The following PDZD4 variants were observed in gnomAD, a reference collection of about 807,000 sequenced individuals.
PDZD4 encodes PDZ domain-containing protein 4.
Under a neutral mutation model 38.5 loss-of-function variants are expected in PDZD4, and 9 were observed. The ratio of observed to expected loss-of-function variants is 0.23; its 90% confidence interval spans 0.14 to 0.41. The LOEUF (loss-of-function observed/expected upper bound fraction) is 0.41. Ranked by LOEUF, PDZD4 falls within the 10% of genes least tolerant of loss-of-function variation. PDZD4 has a pLI of 1.00. For missense variants in PDZD4, 612 were observed against 722.0 expected (o/e 0.85, Z 1.75); for synonymous variants, 349 against 315.7 (o/e 1.11, Z -1.12).
chrX:153,808,166 G>C (rs1293005546), intron 2 of PDZD4, 176 bp downstream of exon 2: 13 of 1,073,686 alleles, frequency 1.2e-5, no homozygotes, highest in Non-Finnish European at 1.6e-5. Context: ...CGGGGCGCCT[G>C]CTGGAGCCCG....
In PDZD4 at chrX:153,804,880, C is replaced by T. The variant is rs782042019; in HGVS notation, c.801G>A (p.Lys267=). The T allele has an allele frequency of 8.3e-7, 1 of 1,208,212 alleles. No homozygotes were observed. Among genetic ancestry groups the T allele is most frequent in the South Asian group, 1.8e-5 (1 of 56,737 alleles). Residue 267 remains lysine (K), a synonymous_variant, in exon 8 of 8, where the codon AAG becomes AAA. Transcript: ENST00000393758. ...PAQQPGNEEE[K]GAPDAGPGLS... ...GGCCTGGGCCGGCATCGGGAGCCCC[C>T]TTCTCCTCTTCGTTTCCGGGCTAGA...
At chrX:153,807,065 C>T (rs1298759963) in intron 3 of PDZD4, among the ~76,000 whole-genome samples, 1 of 112,645 alleles carries the variant, frequency 8.9e-6, no homozygotes, top group Admixed American at 9.3e-5. Context: ...AGGAAATGCA[C>T]GAGGCACACA....
intron 1 of PDZD4, among the ~76,000 whole-genome samples, chrX:153,824,689 T>C (rs2064462107): frequency 9.0e-6 from 1 of 111,655 alleles, no homozygotes; most frequent in South Asian, 3.7e-4. Context: ...TTGGCGATGG[T>C]CTCCCCCTTA....
intron 1 of PDZD4, among the ~76,000 whole-genome samples, chrX:153,818,082 C>T (rs2064380741): frequency 8.9e-6 from 1 of 111,758 alleles, no homozygotes; most frequent in Non-Finnish European, 1.9e-5. Context: ...CCTATCTCTA[C>T]GAAAAATACA....
chrX:153,805,571 C>T lies in PDZD4; in HGVS notation c.603G>A (p.Ala201=), dbSNP rs782203525. The T allele has an allele frequency of 1.2e-5, 15 of 1,210,180 alleles. No homozygotes were observed. Among genetic ancestry groups the T allele is most frequent in the Middle Eastern group, 2.3e-4 (1 of 4,354 alleles). The part of the protein sequence containing the change: ...NGVDVQNREE[A]VAILSQEENT... ...TCTCTTCCTGGCTCAGGATGGCCAC[C>T]GCCTCTTCCCGGTTCTGGACGTCTA... The change falls in exon 6 of 8, where the codon GCG becomes GCA. Residue 201 remains alanine (A), a synonymous_variant. Coordinates refer to ENST00000393758, the MANE Select transcript of PDZD4 (RefSeq NM_001303512.2).
At chrX:153,807,467 G>A (rs2064263609) in intron 2 of PDZD4, 98 bp from the exon 3 acceptor site, 1 of 872,782 alleles carries the variant, frequency 1.1e-6, no homozygotes, top group Admixed American at 2.9e-5. Flanking sequence ...TGGCACGGAG[G>A]CCTGCTCTGC....
chrX:153,812,505 G>A (rs1043646376), intron 1 of PDZD4, among the ~76,000 whole-genome samples: 2 of 110,971 alleles, frequency 1.8e-5, no homozygotes, highest in African/African-American at 6.6e-5. Context: ...GGGGATGGGC[G>A]TGGGCACAGC....
At chrX:153,829,998 C>G in intron 1 of PDZD4, 1 of 735,976 alleles carries the variant, frequency 1.4e-6, no homozygotes, top group South Asian at 4.6e-5. Context: ...GCCCGCCGCA[C>G]CGCGCCTCCC....
intron 1 of PDZD4, among the ~76,000 whole-genome samples, chrX:153,823,961 G>A (rs1344307126): frequency 8.9e-6 from 1 of 112,356 alleles, no homozygotes; most frequent in African/African-American, 3.2e-5. Context: ...CCCAGGATGC[G>A]TGCATGTGGC....
intron 1 of PDZD4, chrX:153,829,551 C>G (rs188583971): frequency 2.4e-3 from 491 of 202,009 alleles, no homozygotes; most frequent in Admixed American, 3.3e-3. Flanking sequence ...CTCACGTAGT[C>G]ACGCCACGCA....
In PDZD4 at chrX:153,804,080, C is replaced by T; in HGVS notation, c.1601G>A (p.Arg534Gln). ...APPPGSPAKFRSLSRDPEAGR... is the reference protein window; with the variant it reads ...APPPGSPAKFQSLSRDPEAGR... The stretch of plus-strand genomic sequence containing the variant: ...GGCCTCAGGATCCCGGGAGAGGGAC[C>T]GGAACTTGGCGGGGCTCCCCGGTGG... Residue 534 changes from arginine to glutamine, a missense_variant, in exon 8 of 8, where the codon CGG becomes CAG. Arg to Gln is a conservative substitution (Grantham distance 43, BLOSUM62 1). Transcript: ENST00000393758. The T allele has an allele frequency of 8.6e-7, 1 of 1,156,272 alleles. No individual in the cohort carries two copies. The highest frequency in any genetic ancestry group is 1.9e-5 in the South Asian group (1 of 52,098).
At chrX:153,817,567 G>A (rs1557080272) in intron 1 of PDZD4, among the ~76,000 whole-genome samples, 1 of 112,120 alleles carries the variant, frequency 8.9e-6, no homozygotes, top group African/African-American at 3.2e-5. Context: ...CACTGCTGAG[G>A]GATATGAGGT....
chrX:153,827,741 T>C (rs2064496929), intron 1 of PDZD4, among the ~76,000 whole-genome samples: 1 of 111,096 alleles, frequency 9.0e-6, no homozygotes, highest in Non-Finnish European at 1.9e-5. Flanking sequence ...AGGGTTTCTT[T>C]TGGGGTGATG....
At chrX:153,812,418 A>G (rs782040197) in intron 1 of PDZD4, among the ~76,000 whole-genome samples, 5 of 109,744 alleles carry the variant, frequency 4.6e-5, no homozygotes, top group Non-Finnish European at 5.7e-5. Context: ...ACCCGGAATC[A>G]TTACCGAGCA....
At chrX:153,818,011 C>T (rs938799433) in intron 1 of PDZD4, among the ~76,000 whole-genome samples, 1 of 112,246 alleles carries the variant, frequency 8.9e-6, no homozygotes, top group African/African-American at 3.2e-5. Context: ...TTTGGGAGGC[C>T]GAGACAGACG....
rs1557076692 is a variant in PDZD4, at chrX:153,805,615, G to A, written c.568-9C>T. 1.7e-6 allele frequency: 2 copies of A among 1,193,918 alleles called. No homozygotes were observed. Among genetic ancestry groups the A allele is most frequent in the Admixed American group, 4.3e-5 (2 of 46,114 alleles). On this transcript the variant is annotated splice_polypyrimidine_tract_variant and intron_variant, in intron 5 of 7. Coordinates refer to ENST00000393758, the MANE Select transcript of PDZD4 (RefSeq NM_001303512.2). ...ACGTCTACACCGTTAATCTGAGGCA[G>A]GCAGGATACAATCAACAAGCATGCT... is the stretch of plus-strand genomic sequence containing the variant.
intron 3 of PDZD4, 119 bp from the exon 4 acceptor site, chrX:153,806,959 C>A: frequency 1.6e-6 from 1 of 619,252 alleles, no homozygotes; most frequent in Non-Finnish European, 2.6e-6. Context: ...AGCCCCTCAG[C>A]TTCCTCTGGA....
At chrX:153,827,957 G>A (rs2064498926) in intron 1 of PDZD4, among the ~76,000 whole-genome samples, 1 of 111,798 alleles carries the variant, frequency 8.9e-6, no homozygotes, top group African/African-American at 3.3e-5. Context: ...CTGGCCTGGG[G>A]ATCCCAGGCC....
In PDZD4 at chrX:153,804,471, C is replaced by T; in HGVS notation, c.1210G>A (p.Glu404Lys). ...DVNRNESLGH[E>K]MAMLEEELRH... ...AGCTCCTCCTCCAGCATGGCCATCT[C>T]GTGGCCCAGGCTCTCGTTGCGGTTG... The change falls in exon 8 of 8, where the codon GAG becomes AAG. Residue 404 changes from glutamate to lysine, a missense_variant. This residue lies in a region of PDZD4 where 300 missense variants were observed against 284.6 expected (regional missense o/e 1.05). Transcript: ENST00000393758. 8 of 1,210,313 alleles carry T rather than the reference C, an allele frequency of 6.6e-6. No homozygotes were observed. Among genetic ancestry groups the T allele is most frequent in the Non-Finnish European group, 8.9e-6 (8 of 895,589 alleles).
Sources: allele counts gnomAD v4.1 joint callset (sites outside exome capture counted in the v4.1 genomes callset), GRCh38; gene constraint gnomAD v4.1.1; regional missense constraint gnomAD v4.1.1; transcripts MANE v1.5; gene names NCBI Gene and HGNC (gene_info 2026-07-23, HGNC 2026-07-21).